KLHDC10: variants seen among roughly 807,000 people sequenced by gnomAD.
The protein encoded by KLHDC10 is kelch domain-containing protein 10.
A neutral mutation model predicts 56.1 loss-of-function variants in KLHDC10; 24 were observed. That is an observed-to-expected ratio of 0.43 (90% CI 0.31 to 0.60). The LOEUF (loss-of-function observed/expected upper bound fraction) is 0.60. Among genes scored for constraint, KLHDC10 ranks in the 20% least tolerant of loss-of-function variants. The pLI is 0.11. For missense variants in KLHDC10, 349 were observed against 567.0 expected, an observed-to-expected ratio of 0.62 and a Z score of 3.91; for synonymous variants, 188 against 207.1, an observed-to-expected ratio of 0.91 and a Z score of 0.79.
intron 2 of KLHDC10, among the ~76,000 whole-genome samples, chr7:130,102,011 C>T (rs971034193): frequency 1.4e-5 from 2 of 144,798 alleles, no homozygotes; most frequent in African/African-American, 5.1e-5. Flanking sequence ...AGGAAGAGTG[C>T]ACAAAGCAGA....
intron 2 of KLHDC10, among the ~76,000 whole-genome samples, chr7:130,109,607 A>G (rs4731659): frequency 0.13 from 20,389 of 152,082 alleles, 1,577 homozygotes; most frequent in East Asian, 0.31. Flanking sequence ...AGATTTTGCC[A>G]TTATTATTTT....
intron 2 of KLHDC10, among the ~76,000 whole-genome samples, chr7:130,112,717 G>A (rs1796118318): frequency 1.3e-5 from 2 of 152,152 alleles, no homozygotes; most frequent in South Asian, 2.1e-4. Context: ...TAATATGTTA[G>A]TCACTCTTGG....
At chr7:130,090,027 A>C (rs62491317) in intron 1 of KLHDC10, among the ~76,000 whole-genome samples, 7,061 of 152,012 alleles carry the variant, frequency 0.046, 228 homozygotes, top group South Asian at 0.13. Flanking sequence ...GATTACAGGC[A>C]TGCACCACCA....
intron 3 of KLHDC10, among the ~76,000 whole-genome samples, chr7:130,118,549 T>C (rs1325714934): frequency 6.6e-6 from 1 of 152,260 alleles, no homozygotes; most frequent in African/African-American, 2.4e-5. Flanking sequence ...AGTAGTACTT[T>C]TAATTTCCAT....
At chr7:130,126,065 G>A (rs969658106) in intron 7 of KLHDC10, 134 bp downstream of exon 7, 14 of 668,328 alleles carry the variant, frequency 2.1e-5, no homozygotes, top group South Asian at 4.2e-5. Flanking sequence ...ATTGTCTCAC[G>A]CCTATAATCT....
At chr7:130,084,913 G>GGC (rs1795661962) in intron 1 of KLHDC10, among the ~76,000 whole-genome samples, 1 of 152,108 alleles carries the variant, frequency 6.6e-6, no homozygotes, top group African/African-American at 2.4e-5. Context: ...TGTTAAGCTT[G>GGC]AGATGCCTAT....
chr7:130,105,178 T>C (rs1230644402), intron 2 of KLHDC10, among the ~76,000 whole-genome samples: 2 of 152,188 alleles, frequency 1.3e-5, no homozygotes, highest in African/African-American at 4.8e-5. Flanking sequence ...GGTACAACCA[T>C]TTTGAAAACA....
chr7:130,118,765 G>T (rs577391951), intron 3 of KLHDC10, among the ~76,000 whole-genome samples: 1 of 152,258 alleles, frequency 6.6e-6, no homozygotes, highest in African/African-American at 2.4e-5. Context: ...CAATCTTGTT[G>T]TGTCTCAGGG....
At chr7:130,078,121 A>C (rs1795542188) in intron 1 of KLHDC10, among the ~76,000 whole-genome samples, 1 of 150,666 alleles carries the variant, frequency 6.6e-6, no homozygotes, top group Admixed American at 6.6e-5. Context: ...TAATCCCAGC[A>C]CTTTAGGAGG....
At chr7:130,092,078 CTG>C (rs1363138479) in intron 1 of KLHDC10, among the ~76,000 whole-genome samples, 1 of 152,202 alleles carries the variant, frequency 6.6e-6, no homozygotes, top group Non-Finnish European at 1.5e-5. Flanking sequence ...TCAGTTGACA[CTG>C]TGGATGTTAG....
intron 2 of KLHDC10, among the ~76,000 whole-genome samples, chr7:130,115,121 T>C (rs1196424439): frequency 6.6e-6 from 1 of 152,200 alleles, no homozygotes; most frequent in East Asian, 1.9e-4. Context: ...AAAGTAAATA[T>C]AGAAGGCCTG....
intron 1 of KLHDC10, 65 bp from the exon 2 acceptor site, chr7:130,096,856 G>T: frequency 9.0e-7 from 1 of 1,116,048 alleles, no homozygotes; most frequent in East Asian, 2.4e-5. Flanking sequence ...TATAACTACA[G>T]TAACTATGTA....
At chr7:130,087,729 T>C (rs914959014) in intron 1 of KLHDC10, among the ~76,000 whole-genome samples, 3 of 151,828 alleles carry the variant, frequency 2.0e-5, no homozygotes, top group Admixed American at 6.6e-5. Flanking sequence ...AACACACACA[T>C]ACACACAAAC....
At position 130,131,600 on chromosome 7, in the gene KLHDC10, A is replaced by T. The variant is rs1188940098; in HGVS notation, c.*854A>T. On this transcript the variant is annotated 3_prime_UTR_variant, in exon 10 of 10. Coordinates refer to ENST00000335420, the MANE Select transcript of KLHDC10 (RefSeq NM_014997.4). ...ATTAATGGTTTTAAATATCTCTTTGACTTCTTCATGGGGAATTGTAGACCC... is the reference window on the plus strand; with the variant it reads ...ATTAATGGTTTTAAATATCTCTTTGTCTTCTTCATGGGGAATTGTAGACCC... The T allele has an allele frequency of 6.6e-6, 1 of 152,162 alleles. No homozygotes were observed. Among genetic ancestry groups the T allele is most frequent in the African/African-American group, 2.4e-5 (1 of 41,432 alleles). 9.4% of individuals were successfully genotyped at this position (152,162 alleles called of 1,614,324 possible). A position where few individuals can be genotyped will look rare whatever the true frequency, so the allele number is the denominator to read the frequency against.
chr7:130,123,204 G>T (rs745482310), intron 5 of KLHDC10, among the ~76,000 whole-genome samples: 3 of 152,116 alleles, frequency 2.0e-5, no homozygotes, highest in African/African-American at 7.2e-5. Context: ...GTGGCTGGGC[G>T]CAGCCTGTAA....
At position 130,132,318 on chromosome 7, in the gene KLHDC10, CCTT is replaced by C. The variant is rs1317990017; in HGVS notation, c.*1574_*1576del. ...CCTAGCTTTTAAAGTTATTCTTTGT[CCTT>C]CATCTCAGAAGGGATCTCTTTAGCT... On this transcript the variant is annotated 3_prime_UTR_variant, in exon 10 of 10. Coordinates refer to ENST00000335420, the MANE Select transcript of KLHDC10 (RefSeq NM_014997.4). 2 of 152,154 alleles carry C rather than the reference CCTT, an allele frequency of 1.3e-5. No individual in the cohort carries two copies. The highest frequency in any genetic ancestry group is 4.8e-5 in the African/African-American group (2 of 41,422). 9.4% of individuals were successfully genotyped at this position (152,154 alleles called of 1,614,324 possible). A position where few individuals can be genotyped will look rare whatever the true frequency, so the allele number is the denominator to read the frequency against.
intron 2 of KLHDC10, among the ~76,000 whole-genome samples, chr7:130,100,143 T>C (rs1479561655): frequency 1.3e-5 from 2 of 151,136 alleles, no homozygotes; most frequent in African/African-American, 4.9e-5. Context: ...ATTTGACATA[T>C]AAGGAAGTGG....
intron 7 of KLHDC10, 91 bp downstream of exon 7, chr7:130,126,022 T>TA (rs1431384262): frequency 5.4e-6 from 5 of 922,906 alleles, no homozygotes; most frequent in Non-Finnish European, 8.1e-6. Flanking sequence ...TACTGAGTTA[T>TA]ATGTCAAGTT....
chr7:130,093,704 G>A (rs1233088293), intron 1 of KLHDC10, among the ~76,000 whole-genome samples: 1 of 152,166 alleles, frequency 6.6e-6, no homozygotes, highest in Admixed American at 6.5e-5. Context: ...ACACTGTTAT[G>A]TTGCTGGTTT....
Sources: gnomAD v4.1 joint callset for allele counts (sites outside exome capture counted in the v4.1 genomes callset) on GRCh38, gnomAD v4.1.1 for gene constraint, MANE v1.5 for transcripts, NCBI Gene and HGNC (gene_info 2026-07-23, HGNC 2026-07-21) for gene names.